The following ROBO1 variants were observed in gnomAD, a reference collection of about 807,000 sequenced individuals.
ROBO1 encodes roundabout guidance receptor 1.
Under a neutral mutation model 195.9 loss-of-function variants are expected in ROBO1, and 149 were observed. That is an observed-to-expected ratio of 0.76 (90% CI 0.67 to 0.87). The LOEUF (loss-of-function observed/expected upper bound fraction) is 0.87. ROBO1 is among the 40% of genes least tolerant of loss of function. The pLI is 0.00. For missense variants in ROBO1, 1,933 were observed against 2,068.3 expected (o/e 0.93, Z 1.27); for synonymous variants, 816 against 733.2 (o/e 1.11, Z -1.82).
At chr3:78,701,263 T>C (rs1181016941) in intron 8 of ROBO1, among the ~76,000 whole-genome samples, 1 of 152,240 alleles carries the variant, frequency 6.6e-6, no homozygotes, top group African/African-American at 2.4e-5. Context: ...TGAACATAGA[T>C]GCATAATTAC....
intron 4 of ROBO1, among the ~76,000 whole-genome samples, chr3:78,874,819 T>C (rs1293689084): frequency 2.0e-5 from 3 of 151,908 alleles, no homozygotes; most frequent in Non-Finnish European, 2.9e-5. Flanking sequence ...ATTTATGTTG[T>C]CAAAATAACA....
chr3:79,460,053 CA>C (rs1461304175), intron 2 of ROBO1, among the ~76,000 whole-genome samples: 1 of 152,020 alleles, frequency 6.6e-6, no homozygotes, highest in Non-Finnish European at 1.5e-5. Flanking sequence ...AATTTTGATT[CA>C]AAAATTTATG....
chr3:79,099,622 A>G (rs2079637838), intron 3 of ROBO1, among the ~76,000 whole-genome samples: 1 of 139,132 alleles, frequency 7.2e-6, no homozygotes, highest in African/African-American at 2.7e-5. Context: ...TCACCATATT[A>G]TAGTTATCTT....
intron 4 of ROBO1, among the ~76,000 whole-genome samples, chr3:78,851,620 T>C (rs1294769488): frequency 6.6e-6 from 1 of 152,218 alleles, no homozygotes; most frequent in Non-Finnish European, 1.5e-5. Context: ...AGATAAACTA[T>C]AAAAATTTAT....
intron 2 of ROBO1, among the ~76,000 whole-genome samples, chr3:79,267,801 A>G (rs1185202218): frequency 6.6e-6 from 1 of 151,502 alleles, no homozygotes; most frequent in Non-Finnish European, 1.5e-5. Context: ...TAACTTCATC[A>G]TCTTTCTACA....
chr3:78,600,315 T>C lies in ROBO1; in HGVS notation c.4745-6A>G. ...ACAATAAGGTAGAATATCCTCTGTG[T>C]AATGAAATATAATAAATGCAGGTGA... On this transcript the variant is annotated splice_region_variant and splice_polypyrimidine_tract_variant and intron_variant, in intron 29 of 30. Coordinates refer to ENST00000464233, the MANE Select transcript of ROBO1 (RefSeq NM_002941.4). 1.3e-6 allele frequency: 2 copies of C among 1,556,388 alleles called. No individual in the cohort carries two copies. The highest frequency in any genetic ancestry group is 1.8e-6 in the Non-Finnish European group (2 of 1,128,460).
intron 2 of ROBO1, among the ~76,000 whole-genome samples, chr3:79,459,112 T>C (rs1460905541): frequency 3.3e-5 from 5 of 151,464 alleles, no homozygotes; most frequent in African/African-American, 4.8e-5. Flanking sequence ...AATATCAATA[T>C]GCATCACATT....
chr3:79,562,473 C>T (rs983336120), intron 2 of ROBO1, among the ~76,000 whole-genome samples: 12 of 151,940 alleles, frequency 7.9e-5, no homozygotes, highest in African/African-American at 2.9e-4. Context: ...AAACCATTAT[C>T]TCTTTGTATA....
intron 18 of ROBO1, among the ~76,000 whole-genome samples, chr3:78,656,345 A>ATTT (rs5850382): frequency 5.2e-4 from 46 of 88,550 alleles, no homozygotes; most frequent in East Asian, 7.0e-4. Context: ...TGCTTATTTG[A>ATTT]TTTTTTTTTT....
At chr3:79,530,755 CCACACACACACACACACACA>C (rs59568172) in intron 2 of ROBO1, among the ~76,000 whole-genome samples, 19 of 128,256 alleles carry the variant, frequency 1.5e-4, no homozygotes, top group South Asian at 1.2e-3. Flanking sequence ...CACCTTGTAA[CCACACACACACACACACACA>C]CACACACACA....
At chr3:78,761,792 C>T (rs117659205) in intron 4 of ROBO1, among the ~76,000 whole-genome samples, 3 of 152,112 alleles carry the variant, frequency 2.0e-5, no homozygotes, top group South Asian at 4.2e-4. Context: ...CTGCAATTAC[C>T]GATCATTCAT....
chr3:79,256,257 T>A (rs1214132696), intron 2 of ROBO1, among the ~76,000 whole-genome samples: 1 of 152,180 alleles, frequency 6.6e-6, no homozygotes, highest in Admixed American at 6.6e-5. Flanking sequence ...CTTCTTTGGT[T>A]CTAATTCGGA....
intron 4 of ROBO1, among the ~76,000 whole-genome samples, chr3:78,806,369 C>T (rs1385497703): frequency 1.3e-5 from 2 of 152,088 alleles, no homozygotes; most frequent in Non-Finnish European, 2.9e-5. Context: ...AGTGAAGGTT[C>T]TTGGGAGGAA....
chr3:79,195,583 T>C (rs1051258388), intron 2 of ROBO1, among the ~76,000 whole-genome samples: 1 of 151,588 alleles, frequency 6.6e-6, no homozygotes, highest in African/African-American at 2.4e-5. Context: ...AAGAAGGACT[T>C]GTATAATGAA....
At chr3:78,774,311 A>G (rs1483906436) in intron 4 of ROBO1, among the ~76,000 whole-genome samples, 2 of 151,542 alleles carry the variant, frequency 1.3e-5, no homozygotes, top group African/African-American at 4.9e-5. Flanking sequence ...GATATTTGCT[A>G]AAAGTTTTTT....
At chr3:79,414,341 G>T (rs1169703405) in intron 2 of ROBO1, among the ~76,000 whole-genome samples, 2 of 151,622 alleles carry the variant, frequency 1.3e-5, no homozygotes, top group Non-Finnish European at 2.9e-5. Flanking sequence ...CCTAAATTCA[G>T]TTATGATTGC....
chr3:78,758,361 AAT>A (rs2082994450), intron 4 of ROBO1, among the ~76,000 whole-genome samples: 1 of 151,850 alleles, frequency 6.6e-6, no homozygotes, highest in Non-Finnish European at 1.5e-5. Flanking sequence ...CTCTACAAAA[AAT>A]ATATATAAAA....
intron 3 of ROBO1, among the ~76,000 whole-genome samples, chr3:78,971,926 C>G (rs1178189812): frequency 6.6e-6 from 1 of 152,082 alleles, no homozygotes; most frequent in Non-Finnish European, 1.5e-5. Context: ...CCACCATGCC[C>G]ACTTAATATT....
At chr3:79,751,288 T>G (rs1432181074) in intron 1 of ROBO1, among the ~76,000 whole-genome samples, 3 of 152,194 alleles carry the variant, frequency 2.0e-5, no homozygotes, top group Non-Finnish European at 2.9e-5. Flanking sequence ...TTGCCTTCTA[T>G]TCTTGAATAC....
Sources: gnomAD v4.1 joint callset for allele counts (sites outside exome capture counted in the v4.1 genomes callset) on GRCh38, gnomAD v4.1.1 for gene constraint, MANE v1.5 for transcripts, NCBI Gene and HGNC (gene_info 2026-07-23, HGNC 2026-07-21) for gene names.